DOCK1: variants seen among roughly 807,000 people sequenced by gnomAD.
DOCK1 encodes the protein dedicator of cytokinesis protein 1.
In DOCK1, 138 loss-of-function variants were observed where a neutral mutation model predicts 262.7. The ratio of observed to expected loss-of-function variants is 0.53; its 90% CI spans 0.46 to 0.61. The LOEUF is 0.61. DOCK1 is among the 20% of genes least tolerant of loss of function. The pLI, the probability that DOCK1 is intolerant of heterozygous loss-of-function variation, is 0.00. For missense variants in DOCK1, 1,908 were observed against 2,370.7 expected, an observed-to-expected ratio of 0.80 and a Z score of 4.05; for synonymous variants, 866 against 867.4, an observed-to-expected ratio of 1.00 and a Z score of 0.03.
intron 27 of DOCK1, among the ~76,000 whole-genome samples, chr10:127,222,346 G>GC (rs1467163510): frequency 6.6e-6 from 1 of 152,144 alleles, no homozygotes; most frequent in Non-Finnish European, 1.5e-5. Flanking sequence ...CTGAAAAACA[G>GC]CCCCCATATC....
chr10:127,350,973 A>G (rs1429554786), intron 31 of DOCK1, among the ~76,000 whole-genome samples: 2 of 152,182 alleles, frequency 1.3e-5, no homozygotes, highest in African/African-American at 2.4e-5. Flanking sequence ...TGGCAGCACT[A>G]CAGATGAGGA....
At chr10:127,065,570 G>A (rs376011909) in intron 23 of DOCK1, among the ~76,000 whole-genome samples, 5 of 152,078 alleles carry the variant, frequency 3.3e-5, no homozygotes, top group African/African-American at 4.8e-5. Context: ...GCTGTTTCTC[G>A]TGGTAATTAT....
chr10:127,090,331 C>G (rs12098781), intron 23 of DOCK1, among the ~76,000 whole-genome samples: 1 of 152,000 alleles, frequency 6.6e-6, no homozygotes, highest in African/African-American at 2.4e-5. Flanking sequence ...TGTCGGTCGC[C>G]GCTGGAGACC....
intron 5 of DOCK1, chr10:126,988,003 ATTTTTTT>A (rs5788814): frequency 2.2e-5 from 3 of 135,210 alleles, no homozygotes; most frequent in African/African-American, 5.5e-5. Flanking sequence ...GGCAATTACT[ATTTTTTT>A]TTTTTTTTTT....
chr10:127,266,402 A>G (rs2135122632), intron 29 of DOCK1, among the ~76,000 whole-genome samples: 1 of 152,126 alleles, frequency 6.6e-6, no homozygotes, highest in East Asian at 1.9e-4. Context: ...GATTTTAGGC[A>G]CACTTTAGAA....
intron 44 of DOCK1, 51 bp downstream of exon 44, chr10:127,415,289 A>C (rs1174279333): frequency 6.4e-7 from 1 of 1,559,484 alleles, no homozygotes; most frequent in South Asian, 1.2e-5. Context: ...TCCTCAATAC[A>C]GTCTGCCACG....
At chr10:127,090,191 A>G (rs1420193881) in intron 23 of DOCK1, among the ~76,000 whole-genome samples, 1 of 152,148 alleles carries the variant, frequency 6.6e-6, no homozygotes, top group Non-Finnish European at 1.5e-5. Context: ...TGGCACTGAT[A>G]GTGGCTTGCA....
At chr10:127,394,312 C>T (rs1260095605) in intron 38 of DOCK1, among the ~76,000 whole-genome samples, 1 of 149,218 alleles carries the variant, frequency 6.7e-6, no homozygotes, top group Non-Finnish European at 1.5e-5. Flanking sequence ...CTTAAAATAA[C>T]CTTCCCTTGA....
At chr10:127,022,957 A>G (rs943488903) in intron 13 of DOCK1, among the ~76,000 whole-genome samples, 4 of 152,172 alleles carry the variant, frequency 2.6e-5, no homozygotes, top group Admixed American at 2.6e-4. Flanking sequence ...TCCTCTGCCC[A>G]GATGATAACC....
intron 11 of DOCK1, among the ~76,000 whole-genome samples, chr10:127,011,277 A>G (rs4751175): frequency 0.73 from 110,547 of 152,058 alleles, 40,197 homozygotes; most frequent in Admixed American, 0.79. Flanking sequence ...TAATGAAACC[A>G]TTTTTTGCTC....
chr10:127,221,704 G>A (rs537021208), intron 27 of DOCK1, among the ~76,000 whole-genome samples: 1 of 152,350 alleles, frequency 6.6e-6, no homozygotes, highest in Non-Finnish European at 1.5e-5. Context: ...GTCACTCTGG[G>A]CAGAGCTGTC....
intron 23 of DOCK1, among the ~76,000 whole-genome samples, chr10:127,099,283 A>G (rs2048093512): frequency 6.6e-6 from 1 of 152,242 alleles, no homozygotes; most frequent in Non-Finnish European, 1.5e-5. Context: ...AAGGAGACAA[A>G]GCAGACTGAA....
intron 27 of DOCK1, among the ~76,000 whole-genome samples, chr10:127,142,736 C>A (rs778902563): frequency 3.9e-5 from 6 of 152,150 alleles, no homozygotes; most frequent in African/African-American, 1.2e-4. Flanking sequence ...GATAAGGGAA[C>A]CATCCACCCA....
chr10:127,367,121 A>G (rs894195342), intron 33 of DOCK1, among the ~76,000 whole-genome samples: 3 of 152,206 alleles, frequency 2.0e-5, no homozygotes, highest in Non-Finnish European at 4.4e-5. Flanking sequence ...TCAGGATTAA[A>G]CTGCACCAAA....
Position 127,354,445 on chromosome 10 carries a change from G to A in DOCK1, c.3225-224G>A, listed in dbSNP as rs147123801. 6.3e-3 allele frequency among the ~76,000 whole-genome samples: 956 copies of A among 152,050 alleles called. 9 individuals carry two copies. Among genetic ancestry groups the A allele is most frequent in the Non-Finnish European group, 1.0e-2 (678 of 67,838 alleles). On this transcript the variant is annotated intron_variant, in intron 31 of 51. Coordinates refer to ENST00000623213, the MANE Select transcript of DOCK1 (RefSeq NM_001290223.2). ...CCACAAGTTCCTCCACGTTCCCACCGGGGGGAAGATGTTGTGTAACCCTCA... is the reference window on the plus strand; with the variant it reads ...CCACAAGTTCCTCCACGTTCCCACCAGGGGGAAGATGTTGTGTAACCCTCA...
intron 31 of DOCK1, among the ~76,000 whole-genome samples, chr10:127,347,006 A>G (rs1357293519): frequency 1.3e-5 from 2 of 152,210 alleles, no homozygotes; most frequent in Non-Finnish European, 2.9e-5. Context: ...CCTTCAGGCC[A>G]CGCGGCACAC....
chr10:127,189,922 G>A (rs989879022), intron 27 of DOCK1, among the ~76,000 whole-genome samples: 3 of 152,162 alleles, frequency 2.0e-5, no homozygotes, highest in South Asian at 4.1e-4. Flanking sequence ...AAGTCACGAC[G>A]TCAAATTGAG....
At chr10:126,930,045 A>G (rs951042084) in intron 1 of DOCK1, among the ~76,000 whole-genome samples, 5 of 152,320 alleles carry the variant, frequency 3.3e-5, no homozygotes, top group Admixed American at 6.5e-5. Context: ...TGGTTAGTTC[A>G]TAAAAATGCA....
chr10:126,997,605 C>T (rs556530254), intron 7 of DOCK1, among the ~76,000 whole-genome samples: 1 of 152,072 alleles, frequency 6.6e-6, no homozygotes, highest in East Asian at 1.9e-4. Flanking sequence ...GAAAAATCCA[C>T]CCCATGATCC....
Sources: allele counts gnomAD v4.1 joint callset (sites outside exome capture counted in the v4.1 genomes callset), GRCh38; gene constraint gnomAD v4.1.1; transcripts MANE v1.5; gene names NCBI Gene and HGNC (gene_info 2026-07-23, HGNC 2026-07-21).